SPATS2: variants seen among roughly 807,000 people sequenced by gnomAD.
The protein encoded by SPATS2 is spermatogenesis-associated serine-rich protein 2.
Under a neutral mutation model 63.7 loss-of-function variants are expected in SPATS2, and 38 were observed. That is an observed-to-expected ratio of 0.60 (90% CI 0.46 to 0.78). The LOEUF (loss-of-function observed/expected upper bound fraction) is 0.78, where lower values mean the gene tolerates loss of function less well. Among genes scored for constraint, SPATS2 ranks in the 30% least tolerant of loss-of-function variants. The pLI is 0.00. For missense variants in SPATS2, 588 were observed against 666.2 expected, an observed-to-expected ratio of 0.88 and a Z score of 1.29; for synonymous variants, 207 against 232.9, an observed-to-expected ratio of 0.89 and a Z score of 1.01.
chr12:49,461,053 G>T lies in SPATS2; in HGVS notation c.25+16G>T. 6.2e-7 allele frequency: 1 copy of T among 1,612,958 alleles called. No homozygotes were observed. The highest frequency in any genetic ancestry group is 8.5e-7 in the Non-Finnish European group (1 of 1,179,514). ...AACCAGAAGGGTAAGATTACATGTG[G>T]GCATAAATTGTTAAAAGCATAGTTA... On this transcript the variant is annotated intron_variant, in intron 3 of 13. Coordinates refer to ENST00000552918, the MANE Select transcript of SPATS2 (RefSeq NM_023071.4).
intron 2 of SPATS2, among the ~76,000 whole-genome samples, chr12:49,438,138 A>T (rs1945350758): frequency 6.6e-6 from 1 of 151,960 alleles, no homozygotes; most frequent in South Asian, 2.1e-4. Context: ...TCCAGAGGTA[A>T]CCAATATTCT....
intron 13 of SPATS2, among the ~76,000 whole-genome samples, chr12:49,525,263 A>C (rs1038785763): frequency 2.0e-5 from 3 of 152,208 alleles, no homozygotes; most frequent in Non-Finnish European, 4.4e-5. Flanking sequence ...CTAGAAGCAC[A>C]ATGTGGAATT....
chr12:49,469,465 C>A, intron 3 of SPATS2: 1 of 334,090 alleles, frequency 3.0e-6, no homozygotes, highest in Non-Finnish European at 5.7e-6. Context: ...GAGGTTGAGG[C>A]AGGGGAATCA....
intron 6 of SPATS2, among the ~76,000 whole-genome samples, chr12:49,492,203 CTTT>C (rs1190951519): frequency 6.6e-6 from 1 of 150,888 alleles, no homozygotes; most frequent in Admixed American, 6.6e-5. Flanking sequence ...ACACCAGTTT[CTTT>C]TTTTTCTTTT....
intron 9 of SPATS2, among the ~76,000 whole-genome samples, chr12:49,504,454 C>T (rs1035001079): frequency 1.3e-5 from 2 of 152,204 alleles, no homozygotes; most frequent in East Asian, 3.9e-4. Flanking sequence ...ATTAAGGAGG[C>T]AGGATATGGA....
At chr12:49,384,993 G>A (rs997108522) in intron 2 of SPATS2, among the ~76,000 whole-genome samples, 3 of 151,942 alleles carry the variant, frequency 2.0e-5, no homozygotes, top group Admixed American at 6.6e-5. Flanking sequence ...ATTTTTAGTA[G>A]AGACGGGGTT....
At chr12:49,411,846 G>A (rs918610019) in intron 2 of SPATS2, among the ~76,000 whole-genome samples, 1 of 152,084 alleles carries the variant, frequency 6.6e-6, no homozygotes, top group African/African-American at 2.4e-5. Flanking sequence ...TTCTGCTGGG[G>A]CCAATTAGTT....
At chr12:49,490,590 C>A in intron 5 of SPATS2, 92 bp from the exon 6 acceptor site, 1 of 1,192,580 alleles carries the variant, frequency 8.4e-7, no homozygotes, top group South Asian at 1.3e-5. Flanking sequence ...TTTGTAAATT[C>A]TCCAGCAATT....
At chr12:49,384,100 C>T (rs1459448979) in intron 2 of SPATS2, among the ~76,000 whole-genome samples, 1 of 152,126 alleles carries the variant, frequency 6.6e-6, no homozygotes, top group Non-Finnish European at 1.5e-5. Context: ...CTATTATAGA[C>T]TTGATTTGGA....
chr12:49,484,643 G>A lies in SPATS2; in HGVS notation c.79G>A (p.Gly27Arg). Residue 27 changes from glycine to arginine, a missense_variant, in exon 4 of 14, where the codon GGA (glycine) becomes AGA (arginine). Physicochemically the swap from Gly to Arg is moderately radical, Grantham distance 125 (BLOSUM62 -2). Transcript: ENST00000552918. ...LQSNTVLAQG[G>R]AFENMKEKIN... ...GTCCAATACCGTACTGGCCCAGGGA[G>A]GAGCTTTTGAGAACATGAAAGAGAA... 1.2e-6 allele frequency: 2 copies of A among 1,614,004 alleles called. No homozygotes were observed. Among genetic ancestry groups the A allele is most frequent in the Non-Finnish European group, 1.7e-6 (2 of 1,179,950 alleles).
At chr12:49,460,027 G>A (rs1000011751) in intron 2 of SPATS2, among the ~76,000 whole-genome samples, 9 of 151,828 alleles carry the variant, frequency 5.9e-5, no homozygotes, top group Non-Finnish European at 1.2e-4. Flanking sequence ...AGAATCGCTT[G>A]AACCTGGGAG....
chr12:49,509,667 T>C (rs1946715423), intron 9 of SPATS2, among the ~76,000 whole-genome samples: 1 of 151,830 alleles, frequency 6.6e-6, no homozygotes, highest in Admixed American at 6.6e-5. Flanking sequence ...AATACAAAAA[T>C]TAGCCAGGCA....
At chr12:49,464,365 A>G (rs1262339421) in intron 3 of SPATS2, among the ~76,000 whole-genome samples, 1 of 151,710 alleles carries the variant, frequency 6.6e-6, no homozygotes, top group Non-Finnish European at 1.5e-5. Context: ...CACGCCTGTA[A>G]TCCCAGCACT....
At chr12:49,467,168 ACCTC>A (rs1286027475) in intron 3 of SPATS2, among the ~76,000 whole-genome samples, 3 of 143,246 alleles carry the variant, frequency 2.1e-5, no homozygotes, top group African/African-American at 7.8e-5. Context: ...CCCTGCCTCA[ACCTC>A]CCGATAGCTG....
intron 2 of SPATS2, among the ~76,000 whole-genome samples, chr12:49,435,218 G>T (rs1945253559): frequency 6.6e-6 from 1 of 151,826 alleles, no homozygotes; most frequent in Non-Finnish European, 1.5e-5. Context: ...TTTTAGTAGA[G>T]GCGGGGTTTC....
chr12:49,493,444 C>G (rs1019540292), intron 6 of SPATS2, among the ~76,000 whole-genome samples: 1 of 150,968 alleles, frequency 6.6e-6, no homozygotes, highest in Non-Finnish European at 1.5e-5. Flanking sequence ...CTCTGTTGCC[C>G]AGGCTGGAGT....
At position 49,526,248 on chromosome 12, in the gene SPATS2, A is replaced by G. The variant is rs567810373; in HGVS notation, c.1631A>G (p.Asn544Ser). Residue 544 changes from asparagine to serine, a missense_variant, in exon 14 of 14, where the codon AAC (asparagine) becomes AGC (serine). Transcript: ENST00000552918. Reference protein sequence around the residue: ...KPRTSQTEAVNS With the variant: ...KPRTSQTEAVSS ...AGGACCTCTCAGACTGAAGCCGTGA[A>G]CTCTTGAGAGAAAATCCAGTTGGCC... The G allele has an allele frequency of 3.0e-5, 48 of 1,604,530 alleles. No individual in the cohort carries two copies. The highest frequency in any genetic ancestry group is 3.9e-5 in the Non-Finnish European group (46 of 1,175,414).
intron 4 of SPATS2, 38 bp downstream of exon 4, chr12:49,484,707 A>G (rs1447699795): frequency 2.5e-6 from 4 of 1,594,236 alleles, no homozygotes; most frequent in Admixed American, 1.7e-5. Context: ...CTTAAATGTC[A>G]TAGGAAAATT....
intron 2 of SPATS2, among the ~76,000 whole-genome samples, chr12:49,414,224 G>C (rs1227387929): frequency 6.6e-6 from 1 of 152,114 alleles, no homozygotes; most frequent in Non-Finnish European, 1.5e-5. Flanking sequence ...TGGGAAGGGA[G>C]TTTTAATGTA....
Sources: allele counts gnomAD v4.1 joint callset (sites outside exome capture counted in the v4.1 genomes callset), GRCh38; gene constraint gnomAD v4.1.1; transcripts MANE v1.5; gene names NCBI Gene and HGNC (gene_info 2026-07-23, HGNC 2026-07-21).